Variants in AGBL4 observed in about 807,000 individuals in gnomAD.
AGBL4 encodes the protein cytosolic carboxypeptidase 6.
A neutral mutation model predicts 66.4 loss-of-function variants in AGBL4; 58 were observed. The ratio of observed to expected loss-of-function variants is 0.87; its 90% CI spans 0.71 to 1.09. The LOEUF is 1.09. AGBL4 is among the 50% of genes least tolerant of loss of function. AGBL4 has a pLI of 0.00. For missense variants in AGBL4, 579 were observed against 631.0 expected, an observed-to-expected ratio of 0.92 and a Z score of 0.88; for synonymous variants, 234 against 222.9, an observed-to-expected ratio of 1.05 and a Z score of -0.44.
intron 4 of AGBL4, among the ~76,000 whole-genome samples, chr1:49,130,070 G>A (rs1282740205): frequency 6.6e-5 from 10 of 151,980 alleles, no homozygotes; most frequent in South Asian, 4.1e-4. Context: ...GCCAGTGATG[G>A]TGAGCATTTT....
chr1:49,948,086 ATATATGTATATG>A (rs1264595586), intron 1 of AGBL4, among the ~76,000 whole-genome samples: 1 of 91,112 alleles, frequency 1.1e-5, no homozygotes, highest in African/African-American at 4.5e-5. Flanking sequence ...ATATATGTAA[ATATATGTATATG>A]TATATATATG....
At chr1:49,308,578 C>G (rs913228929) in intron 3 of AGBL4, among the ~76,000 whole-genome samples, 1 of 151,954 alleles carries the variant, frequency 6.6e-6, no homozygotes, top group Admixed American at 6.6e-5. Flanking sequence ...AGGACCATAT[C>G]CCATGTCTCC....
intron 2 of AGBL4, among the ~76,000 whole-genome samples, chr1:49,739,681 C>T (rs1369975703): frequency 6.6e-6 from 1 of 152,128 alleles, no homozygotes; most frequent in East Asian, 1.9e-4. Context: ...ATAGGGAAGC[C>T]CATCAGACTA....
chr1:49,260,851 A>C (rs1190397938), intron 3 of AGBL4, among the ~76,000 whole-genome samples: 1 of 151,832 alleles, frequency 6.6e-6, no homozygotes, highest in East Asian at 1.9e-4. Flanking sequence ...CAGAGACACA[A>C]CCAAAAAAGA....
chr1:49,195,039 G>A (rs986106424), intron 4 of AGBL4, among the ~76,000 whole-genome samples: 3 of 151,788 alleles, frequency 2.0e-5, no homozygotes, highest in African/African-American at 7.3e-5. Context: ...ATGGAGTCTT[G>A]CTTTTTTGCC....
chr1:49,963,299 T>C (rs1205309019), intron 1 of AGBL4, among the ~76,000 whole-genome samples: 2 of 152,156 alleles, frequency 1.3e-5, no homozygotes, highest in Non-Finnish European at 1.5e-5. Flanking sequence ...GATGCAGTCA[T>C]GTAATAAAGT....
chr1:49,886,062 C>A (rs1287578658), intron 1 of AGBL4, among the ~76,000 whole-genome samples: 1 of 152,126 alleles, frequency 6.6e-6, no homozygotes, highest in Non-Finnish European at 1.5e-5. Flanking sequence ...TACAATTTTC[C>A]AACCTTTTAC....
chr1:49,626,032 G>A (rs1645457454), intron 3 of AGBL4, among the ~76,000 whole-genome samples: 1 of 152,186 alleles, frequency 6.6e-6, no homozygotes, highest in Non-Finnish European at 1.5e-5. Context: ...TGATAGTGAT[G>A]TGTTAAAACT....
intron 5 of AGBL4, among the ~76,000 whole-genome samples, chr1:49,008,500 T>C (rs943723069): frequency 1.3e-5 from 2 of 148,168 alleles, no homozygotes; most frequent in Non-Finnish European, 3.0e-5. Context: ...TACCCAGGAA[T>C]TGAACTCAGC....
intron 3 of AGBL4, among the ~76,000 whole-genome samples, chr1:49,565,670 T>A (rs1186843479): frequency 6.6e-6 from 1 of 152,192 alleles, no homozygotes; most frequent in East Asian, 1.9e-4. Context: ...TGCCGAGAGA[T>A]CCGCTGTTAG....
At chr1:49,319,795 A>C (rs1423211051) in intron 3 of AGBL4, among the ~76,000 whole-genome samples, 1 of 152,228 alleles carries the variant, frequency 6.6e-6, no homozygotes, top group Non-Finnish European at 1.5e-5. Context: ...AAGAGGAAGA[A>C]GACAGAGAAA....
intron 3 of AGBL4, among the ~76,000 whole-genome samples, chr1:49,573,960 T>C (rs1399182253): frequency 6.6e-6 from 1 of 152,146 alleles, no homozygotes; most frequent in Non-Finnish European, 1.5e-5. Flanking sequence ...CCTGTCGATC[T>C]TTGTCTGAGG....
chr1:49,007,974 G>A (rs192728746), intron 5 of AGBL4, among the ~76,000 whole-genome samples: 21 of 151,982 alleles, frequency 1.4e-4, no homozygotes, highest in Admixed American at 5.2e-4. Flanking sequence ...ATCAACTAAC[G>A]AGCAAAATAA....
intron 3 of AGBL4, among the ~76,000 whole-genome samples, chr1:49,686,239 T>C (rs1049198551): frequency 1.3e-5 from 2 of 152,150 alleles, no homozygotes; most frequent in African/African-American, 2.4e-5. Flanking sequence ...GGTTCTCTAA[T>C]AAGGACCCCC....
At chr1:48,750,135 A>G (rs1651449341) in intron 6 of AGBL4, among the ~76,000 whole-genome samples, 2 of 152,162 alleles carry the variant, frequency 1.3e-5, no homozygotes, top group South Asian at 2.1e-4. Context: ...TAGGGACCAT[A>G]TGGGATTCAT....
At chr1:48,768,241 C>G (rs1423160939) in intron 6 of AGBL4, among the ~76,000 whole-genome samples, 1 of 152,074 alleles carries the variant, frequency 6.6e-6, no homozygotes, top group South Asian at 2.1e-4. Context: ...TTGCCTACAC[C>G]CTAAGAGAAT....
chr1:48,528,587 G>A (rs1643891785), downstream of AGBL4, among the ~76,000 whole-genome samples: 1 of 151,968 alleles, frequency 6.6e-6, no homozygotes, highest in Admixed American at 6.6e-5. Flanking sequence ...TCCACATCCT[G>A]TCCTAGTTAC....
intron 3 of AGBL4, among the ~76,000 whole-genome samples, chr1:49,439,290 G>A (rs1645972632): frequency 6.6e-6 from 1 of 152,160 alleles, no homozygotes; most frequent in South Asian, 2.1e-4. Context: ...GTGGCTAGAA[G>A]GTAGCATGCC....
Position 49,876,811 on chromosome 1 carries a change from G to C in AGBL4, c.35-25293C>G, listed in dbSNP as rs1186066682. ...ATGAGCATGGAATGTTCTTCCATTT[G>C]TTTGTATCCTCTTTTATTTCCTTGA... On this transcript the variant is annotated intron_variant, in intron 1 of 13. Coordinates refer to ENST00000371839, the MANE Select transcript of AGBL4 (RefSeq NM_032785.4). Among the ~76,000 whole-genome samples, 59 of 145,898 alleles carry C rather than the reference G, an allele frequency of 4.0e-4. 1 individual carries two copies. Among genetic ancestry groups the C allele is most frequent in the Admixed American group, 1.9e-3 (28 of 14,504 alleles).
Sources: allele counts gnomAD v4.1 joint callset (sites outside exome capture counted in the v4.1 genomes callset), GRCh38; gene constraint gnomAD v4.1.1; transcripts MANE v1.5; gene names NCBI Gene and HGNC (gene_info 2026-07-23, HGNC 2026-07-21).